The following ERBB4 variants were observed in gnomAD, a reference collection of about 807,000 sequenced individuals.
ERBB4 encodes erb-b2 receptor tyrosine kinase 4.
In ERBB4, 42 loss-of-function variants were observed where a neutral mutation model predicts 158.0. That is an observed-to-expected ratio of 0.27 (90% confidence interval 0.21 to 0.34). The LOEUF (loss-of-function observed/expected upper bound fraction) is 0.34, where lower values mean the gene tolerates loss of function less well. ERBB4 is among the 10% of genes least tolerant of loss of function. The probability of loss-of-function intolerance (pLI) is 1.00; values close to 1 mark genes in which losing one functional copy is unlikely to be tolerated. For missense variants in ERBB4, 1,333 were observed against 1,624.1 expected (o/e 0.82, Z 3.08); for synonymous variants, 583 against 558.7 (o/e 1.04, Z -0.61).
chr2:211,610,595 C>T (rs1022658517), intron 19 of ERBB4, among the ~76,000 whole-genome samples: 1 of 152,118 alleles, frequency 6.6e-6, no homozygotes. Flanking sequence ...TCATAAGTAT[C>T]GGTTGCTGTT....
At chr2:211,788,542 G>T (rs1228148215) in intron 3 of ERBB4, among the ~76,000 whole-genome samples, 1 of 152,076 alleles carries the variant, frequency 6.6e-6, no homozygotes, top group Non-Finnish European at 1.5e-5. Context: ...TTACTACTCT[G>T]TATTTTAATG....
At chr2:212,369,079 G>A (rs2089995322) in intron 1 of ERBB4, among the ~76,000 whole-genome samples, 1 of 152,098 alleles carries the variant, frequency 6.6e-6, no homozygotes, top group Non-Finnish European at 1.5e-5. Flanking sequence ...TGCAAAAAGT[G>A]GCAAGCCACA....
chr2:211,625,203 A>G (rs2069794112), intron 17 of ERBB4, among the ~76,000 whole-genome samples: 1 of 152,192 alleles, frequency 6.6e-6, no homozygotes, highest in Non-Finnish European at 1.5e-5. Flanking sequence ...TTGTCTTTTA[A>G]AAGTTAAATT....
intron 2 of ERBB4, among the ~76,000 whole-genome samples, chr2:212,069,954 AAAAAAAG>A (rs1356152278): frequency 7.6e-6 from 1 of 130,780 alleles, no homozygotes; most frequent in Non-Finnish European, 1.7e-5. Context: ...CCATGTCTTA[AAAAAAAG>A]AAAAAAGAAA....
chr2:211,381,825 T>C lies in ERBB4; in HGVS notation c.*1790A>G, dbSNP rs2062577820. 4.4e-6 allele frequency: 1 copy of C among 228,582 alleles called. No individual in the cohort carries two copies. The allele number at this position is 228,582 out of a possible 1,614,324, so 14.2% of individuals were successfully genotyped here. A position where few individuals can be genotyped will look rare whatever the true frequency, so the allele number is the denominator to read the frequency against. On this transcript the variant is annotated 3_prime_UTR_variant, in exon 28 of 28. Transcript: ENST00000342788. ...TAATTTGGTCCCAATATTTTAACATTAGAAATATTTTTTAAAAATCTAAAT... is the reference window on the plus strand; with the variant it reads ...TAATTTGGTCCCAATATTTTAACATCAGAAATATTTTTTAAAAATCTAAAT...
At chr2:212,210,953 A>T (rs1211099954) in intron 1 of ERBB4, among the ~76,000 whole-genome samples, 1 of 152,036 alleles carries the variant, frequency 6.6e-6, no homozygotes, top group African/African-American at 2.4e-5. Context: ...AAAGTCCATT[A>T]TATCTCCTCT....
At chr2:212,042,037 T>A (rs2077153678) in intron 2 of ERBB4, among the ~76,000 whole-genome samples, 1 of 152,032 alleles carries the variant, frequency 6.6e-6, no homozygotes, top group African/African-American at 2.4e-5. Flanking sequence ...CACGCTCTAT[T>A]ATCTCCTTTT....
chr2:212,492,819 T>TAA (rs1221530765), intron 1 of ERBB4, among the ~76,000 whole-genome samples: 1 of 151,490 alleles, frequency 6.6e-6, no homozygotes, highest in Non-Finnish European at 1.5e-5. Context: ...AGAAAGAAGC[T>TAA]AAAAGTACTT....
intron 2 of ERBB4, among the ~76,000 whole-genome samples, chr2:211,973,892 A>G (rs1296824868): frequency 6.6e-6 from 1 of 152,216 alleles, no homozygotes. Context: ...CATGGAAACT[A>G]TATAGCCATA....
intron 1 of ERBB4, among the ~76,000 whole-genome samples, chr2:212,374,071 T>TATATATATCC (rs1214694880): frequency 2.1e-5 from 2 of 96,198 alleles, no homozygotes; most frequent in East Asian, 2.2e-4. Context: ...TATATATCCA[T>TATATATATCC]ATATATATCC....
chr2:211,634,479 G>T (rs1050046680), intron 16 of ERBB4, among the ~76,000 whole-genome samples: 1 of 152,030 alleles, frequency 6.6e-6, no homozygotes, highest in African/African-American at 2.4e-5. Context: ...CTAGATGTTT[G>T]TAAGTATAGG....
chr2:211,404,997 C>T (rs1208851526), intron 25 of ERBB4, among the ~76,000 whole-genome samples: 1 of 152,034 alleles, frequency 6.6e-6, no homozygotes. Context: ...GAAATTGGAA[C>T]TTAAAAAAGA....
chr2:211,512,468 A>G (rs1413659853), intron 20 of ERBB4, among the ~76,000 whole-genome samples: 2 of 152,034 alleles, frequency 1.3e-5, no homozygotes, highest in Non-Finnish European at 1.5e-5. Flanking sequence ...GCATTTTTAT[A>G]TAGAAAGAAA....
chr2:211,722,749 G>A (rs1321535726), intron 6 of ERBB4, among the ~76,000 whole-genome samples: 3 of 152,158 alleles, frequency 2.0e-5, no homozygotes, highest in Non-Finnish European at 4.4e-5. Flanking sequence ...TGCTCAAAGT[G>A]CTTAGCCTGT....
intron 4 of ERBB4, among the ~76,000 whole-genome samples, chr2:211,776,937 G>A (rs1272079766): frequency 1.3e-5 from 2 of 152,120 alleles, no homozygotes; most frequent in East Asian, 1.9e-4. Context: ...ATCAATTGAG[G>A]TGTAGCTGTT....
chr2:211,707,453 AAGAG>A (rs1346465452), intron 9 of ERBB4, among the ~76,000 whole-genome samples: 1 of 152,184 alleles, frequency 6.6e-6, no homozygotes, highest in Non-Finnish European at 1.5e-5. Context: ...GCTCAGGAAA[AAGAG>A]AGAGAAACAT....
chr2:211,873,961 A>T (rs537720675), intron 3 of ERBB4, among the ~76,000 whole-genome samples: 106 of 152,144 alleles, frequency 7.0e-4, no homozygotes, highest in African/African-American at 2.5e-3. Flanking sequence ...TGATTCTTCC[A>T]AAGTCATTAA....
At chr2:211,813,604 A>T (rs2076810124) in intron 3 of ERBB4, among the ~76,000 whole-genome samples, 1 of 152,154 alleles carries the variant, frequency 6.6e-6, no homozygotes, top group African/African-American at 2.4e-5. Flanking sequence ...TATTTTAAAT[A>T]ACACTTTTTT....
chr2:212,063,100 C>A (rs1277469974), intron 2 of ERBB4, among the ~76,000 whole-genome samples: 1 of 151,950 alleles, frequency 6.6e-6, no homozygotes, highest in Admixed American at 6.6e-5. Context: ...ATTCTCTTGG[C>A]CTGCCATTTT....
Sources: gnomAD v4.1 joint callset for allele counts (sites outside exome capture counted in the v4.1 genomes callset) on GRCh38, gnomAD v4.1.1 for gene constraint, MANE v1.5 for transcripts, NCBI Gene and HGNC (gene_info 2026-07-23, HGNC 2026-07-21) for gene names.